The following TAF4 variants were observed in gnomAD, a reference collection of about 807,000 sequenced individuals.
TAF4 encodes TATA-box binding protein associated factor 4.
A neutral mutation model predicts 90.3 loss-of-function variants in TAF4; 9 were observed. The observed-to-expected ratio is 0.10, with a 90% CI of 0.06 to 0.17. The LOEUF is 0.17. Ranked by LOEUF, TAF4 falls within the 10% of genes least tolerant of loss-of-function variation. The probability of loss-of-function intolerance (pLI) is 1.00; values close to 1 mark genes in which losing one functional copy is unlikely to be tolerated. For missense variants in TAF4, 1,351 were observed against 1,370.7 expected, an observed-to-expected ratio of 0.99 and a Z score of 0.23; for synonymous variants, 818 against 638.9, an observed-to-expected ratio of 1.28 and a Z score of -4.23.
At chr20:61,989,388 T>C (rs375301256) in intron 14 of TAF4, among the ~76,000 whole-genome samples, 1 of 152,054 alleles carries the variant, frequency 6.6e-6, no homozygotes, top group East Asian at 1.9e-4. Context: ...GGATACAGAC[T>C]CCAGCCACAA....
intron 1 of TAF4, among the ~76,000 whole-genome samples, chr20:62,056,875 T>C (rs2056067559): frequency 6.6e-6 from 1 of 152,160 alleles, no homozygotes; most frequent in African/African-American, 2.4e-5. Context: ...TACAGTTACA[T>C]AAAAAAGCCA....
Position 62,055,348 on chromosome 20 carries a change from C to T in TAF4, c.1360+9103G>A, listed in dbSNP as rs573261810. Among the ~76,000 whole-genome samples, 53 of 151,004 alleles carry T rather than the reference C, an allele frequency of 3.5e-4. 1 individual carries two copies. The highest frequency in any genetic ancestry group is 6.3e-4 in the South Asian group (3 of 4,782). ...GCTGCCTGCGGGCAGTCCTGCAATA[C>T]GATCGATTCACACTGCCTGCGGGCA... is the stretch of plus-strand genomic sequence containing the variant. On this transcript the variant is annotated intron_variant, in intron 1 of 14. Coordinates refer to ENST00000252996, the MANE Select transcript of TAF4 (RefSeq NM_003185.4).
At chr20:62,050,995 T>C (rs2056023961) in intron 1 of TAF4, among the ~76,000 whole-genome samples, 1 of 152,042 alleles carries the variant, frequency 6.6e-6, no homozygotes, top group Non-Finnish European at 1.5e-5. Context: ...GAAGAAAACA[T>C]TTTCACCCCT....
At chr20:61,985,764 T>C (rs193081863) in intron 14 of TAF4, among the ~76,000 whole-genome samples, 1 of 151,230 alleles carries the variant, frequency 6.6e-6, no homozygotes. Context: ...TCAGCACAGG[T>C]GCAGGTGCAG....
intron 1 of TAF4, among the ~76,000 whole-genome samples, chr20:62,053,374 C>G (rs964446366): frequency 5.3e-5 from 8 of 152,202 alleles, no homozygotes; most frequent in Admixed American, 1.3e-4. Flanking sequence ...GTGACGAGCT[C>G]CCGGCCCAGC....
chr20:62,061,413 G>A (rs929115325), intron 1 of TAF4, among the ~76,000 whole-genome samples: 2 of 151,744 alleles, frequency 1.3e-5, no homozygotes, highest in African/African-American at 4.9e-5. Flanking sequence ...TGGTGAGAAA[G>A]TGCTTTTCTG....
intron 1 of TAF4, among the ~76,000 whole-genome samples, chr20:62,034,006 C>T (rs2145495811): frequency 6.6e-6 from 1 of 150,960 alleles, no homozygotes; most frequent in South Asian, 2.1e-4. Flanking sequence ...CGCGCCACTG[C>T]ACTCCAGCCT....
At position 61,999,291 on chromosome 20, in the gene TAF4, C is replaced by T. The variant is rs566322255; in HGVS notation, c.2788-183G>A. 3.9e-5 allele frequency among the ~76,000 whole-genome samples: 6 copies of T among 152,326 alleles called. No homozygotes were observed. In the East Asian group the frequency reaches 9.6e-4, roughly 24 times the overall value. On this transcript the variant is annotated intron_variant, in intron 11 of 14. Coordinates refer to ENST00000252996, the MANE Select transcript of TAF4 (RefSeq NM_003185.4). Reference sequence around the variant, plus strand: ...CCGAGAGCTCTATCGATGCTCACGTCCACAGAACGAAGTCTCGTGTTGGCT... The same window carrying T: ...CCGAGAGCTCTATCGATGCTCACGTTCACAGAACGAAGTCTCGTGTTGGCT...
At chr20:62,000,419 C>A in intron 10 of TAF4, 133 bp downstream of exon 10, 1 of 1,396,210 alleles carries the variant, frequency 7.2e-7, no homozygotes, top group African/African-American at 1.4e-5. Flanking sequence ...CCAAGAACCA[C>A]CACCAGCAAC....
chr20:62,049,985 G>A (rs547901768), intron 1 of TAF4, among the ~76,000 whole-genome samples: 2 of 152,236 alleles, frequency 1.3e-5, no homozygotes, highest in Admixed American at 1.3e-4. Context: ...CCACGGAGCA[G>A]CCTGTCCCCA....
chr20:61,992,494 G>C (rs1288954042), intron 14 of TAF4, among the ~76,000 whole-genome samples: 1 of 149,306 alleles, frequency 6.7e-6, no homozygotes, highest in Non-Finnish European at 1.5e-5. Context: ...GGGCAGCCAA[G>C]AGCCAGAATT....
At chr20:62,061,507 A>T (rs1293734010) in intron 1 of TAF4, among the ~76,000 whole-genome samples, 1 of 152,248 alleles carries the variant, frequency 6.6e-6, no homozygotes, top group Non-Finnish European at 1.5e-5. Context: ...AGACCAAGAT[A>T]CACTGAAGAA....
chr20:62,000,500 C>T (rs939206787), intron 10 of TAF4, 52 bp downstream of exon 10: 27 of 1,579,754 alleles, frequency 1.7e-5, no homozygotes, highest in Non-Finnish European at 2.3e-5. Flanking sequence ...AGCTCCCATG[C>T]CCCAGCAGCG....
intron 1 of TAF4, among the ~76,000 whole-genome samples, chr20:62,033,156 G>T (rs567569351): frequency 6.6e-6 from 1 of 152,310 alleles, no homozygotes; most frequent in South Asian, 2.1e-4. Context: ...CCACAGATGA[G>T]ATCCCTCAGC....
At chr20:62,063,302 A>G (rs529794131) in intron 1 of TAF4, among the ~76,000 whole-genome samples, 1 of 152,198 alleles carries the variant, frequency 6.6e-6, no homozygotes, top group Non-Finnish European at 1.5e-5. Context: ...AGTGACCAAT[A>G]GCTCCATTCA....
intron 1 of TAF4, among the ~76,000 whole-genome samples, chr20:62,027,016 C>A (rs28382032): frequency 6.6e-6 from 1 of 152,244 alleles, no homozygotes; most frequent in Non-Finnish European, 1.5e-5. Flanking sequence ...TGCTTACCCT[C>A]GTGCCTGTGT....
Position 62,010,857 on chromosome 20 carries a change from C to T in TAF4, c.1642-692G>A, listed in dbSNP as rs1247720309. ...CTCAGACAACTCAGTGGCCTGTACT[C>T]GATTCCTAACATTTCCATTCTACAT... On this transcript the variant is annotated intron_variant, in intron 3 of 14. Coordinates refer to ENST00000252996, the MANE Select transcript of TAF4 (RefSeq NM_003185.4). The surrounding 1 kb of genome is among the most constrained non-coding windows in gnomAD (Gnocchi z 4.5). 1.3e-5 allele frequency among the ~76,000 whole-genome samples: 2 copies of T among 152,218 alleles called. No homozygotes were observed. Among genetic ancestry groups the T allele is most frequent in the African/African-American group, 2.4e-5 (1 of 41,454 alleles).
intron 1 of TAF4, among the ~76,000 whole-genome samples, chr20:62,049,801 A>C (rs1358608399): frequency 6.6e-6 from 1 of 152,074 alleles, no homozygotes; most frequent in African/African-American, 2.4e-5. Flanking sequence ...CGTGGCCTTG[A>C]GCAGTTCATA....
rs1282606336 is a variant in TAF4 at position 62,012,855 on chromosome 20, A to G, written c.1601T>C (p.Val534Ala). 6.2e-7 allele frequency: 1 copy of G among 1,614,140 alleles called. No individual in the cohort carries two copies. Among genetic ancestry groups the G allele is most frequent in the Non-Finnish European group, 8.5e-7 (1 of 1,180,018 alleles). ...GCGCTGCAGGGTTGCACTGGGCTGC[A>G]CCGTTGTCTGGGCCTGAGACACTTG... ...IKQVSQAQTT[V>A]QPSATLQRSP... The change falls in exon 3 of 15, where the codon GTG becomes GCG. Residue 534 changes from valine (V) to alanine (A), a missense_variant. Val to Ala is a moderately conservative substitution (Grantham distance 64). Around this residue, in one of 9 missense-constraint regions of TAF4, gnomAD observed 143 missense variants for 176.3 expected, o/e 0.81. Transcript: ENST00000252996.
Sources: gnomAD v4.1 joint callset for allele counts (sites outside exome capture counted in the v4.1 genomes callset) on GRCh38, gnomAD v4.1.1 for gene constraint, gnomAD v4.1.1 regional missense constraint, Gnocchi (gnomAD v3.1) non-coding constraint, MANE v1.5 for transcripts, NCBI Gene and HGNC (gene_info 2026-07-23, HGNC 2026-07-21) for gene names.